Variants in DHRS7B observed in about 807,000 individuals in gnomAD.
DHRS7B encodes peroxisomal reductase activating PPAR-gamma.
A neutral mutation model predicts 26.4 loss-of-function variants in DHRS7B; 24 were observed. The ratio of observed to expected loss-of-function variants is 0.91; its 90% CI spans 0.66 to 1.28. The LOEUF is 1.28. Among genes scored for constraint, DHRS7B ranks in the 50% most tolerant of loss-of-function variants. DHRS7B has a pLI of 0.00. For synonymous variants in DHRS7B, 142 were observed against 166.4 expected, an observed-to-expected ratio of 0.85 and a Z score of 1.13; for missense variants, 368 against 419.4, an observed-to-expected ratio of 0.88 and a Z score of 1.07.
chr17:21,130,972 G>A (rs1973217680), intron 1 of DHRS7B, among the ~76,000 whole-genome samples: 2 of 152,098 alleles, frequency 1.3e-5, no homozygotes, highest in South Asian at 4.1e-4. Context: ...AATTCCTTAG[G>A]ATTTTACCTG....
intron 1 of DHRS7B, among the ~76,000 whole-genome samples, chr17:21,135,586 G>A (rs1298406188): frequency 2.0e-5 from 3 of 152,070 alleles, no homozygotes; most frequent in Admixed American, 6.5e-5. Context: ...CAAACAATAA[G>A]CCTTAATAAA....
intron 2 of DHRS7B, among the ~76,000 whole-genome samples, chr17:21,177,051 G>A (rs1473614414): frequency 1.3e-5 from 2 of 152,106 alleles, no homozygotes; most frequent in Non-Finnish European, 2.9e-5. Flanking sequence ...CAGTTCTCAT[G>A]GTTTACCCTG....
chr17:21,182,656 G>A (rs1197312784), intron 3 of DHRS7B, among the ~76,000 whole-genome samples: 2 of 152,044 alleles, frequency 1.3e-5, no homozygotes, highest in Non-Finnish European at 2.9e-5. Flanking sequence ...CCAAAGTGCT[G>A]GGGATTACAG....
chr17:21,131,539 C>T (rs954497608), intron 1 of DHRS7B, among the ~76,000 whole-genome samples: 4 of 152,198 alleles, frequency 2.6e-5, no homozygotes, highest in African/African-American at 9.6e-5. Context: ...GCTTCTTTAC[C>T]TCAGCCTGCT....
At chr17:21,159,627 C>T (rs895450793) in intron 1 of DHRS7B, among the ~76,000 whole-genome samples, 2 of 151,974 alleles carry the variant, frequency 1.3e-5, no homozygotes, top group Non-Finnish European at 2.9e-5. Flanking sequence ...AATCCCAGCA[C>T]TTTGGGAGGC....
intron 1 of DHRS7B, among the ~76,000 whole-genome samples, chr17:21,142,358 G>A (rs536637203): frequency 5.3e-5 from 8 of 152,306 alleles, no homozygotes; most frequent in African/African-American, 9.6e-5. Flanking sequence ...TTAACTACCA[G>A]GCTTAGGTCA....
chr17:21,159,763 AC>A (rs1973960395), intron 1 of DHRS7B, among the ~76,000 whole-genome samples: 1 of 149,636 alleles, frequency 6.7e-6, no homozygotes, highest in Admixed American at 6.8e-5. Context: ...AGTCCTAGCT[AC>A]TTGGGAAGCT....
chr17:21,171,376 G>A (rs923833651), intron 1 of DHRS7B, among the ~76,000 whole-genome samples: 5 of 152,248 alleles, frequency 3.3e-5, no homozygotes, highest in African/African-American at 1.2e-4. Flanking sequence ...ACATGCCACA[G>A]GCACAGCGGG....
At position 21,150,473 on chromosome 17, in the gene DHRS7B, C is replaced by T. The variant is rs144425487; in HGVS notation, c.21-21545C>T. 6.1e-3 allele frequency among the ~76,000 whole-genome samples: 928 copies of T among 152,172 alleles called. 11 individuals are homozygous for T. The highest frequency in any genetic ancestry group is 0.021 in the African/African-American group (889 of 41,524). ...CTCTACTACAAATACAAATATTATC[C>T]GGGCGTGGTGGTGCATGCCTGTAAT... On this transcript the variant is annotated intron_variant, in intron 1 of 6. Transcript: ENST00000395511.
chr17:21,165,962 T>G (rs1039786133), intron 1 of DHRS7B, among the ~76,000 whole-genome samples: 20 of 150,766 alleles, frequency 1.3e-4, no homozygotes, highest in Non-Finnish European at 2.7e-4. Flanking sequence ...ATTGTGTGTG[T>G]CCAAGTTCCT....
chr17:21,148,685 G>T (rs998924357), intron 1 of DHRS7B, among the ~76,000 whole-genome samples: 3 of 152,164 alleles, frequency 2.0e-5, no homozygotes, highest in Admixed American at 2.0e-4. Context: ...GGCGGAGGTT[G>T]CAGTGAGCCA....
chr17:21,175,064 G>C (rs1974343685), intron 2 of DHRS7B, among the ~76,000 whole-genome samples: 1 of 152,212 alleles, frequency 6.6e-6, no homozygotes, highest in Admixed American at 6.5e-5. Flanking sequence ...AGTGTGTCTA[G>C]ATTGAGTCTA....
intron 2 of DHRS7B, among the ~76,000 whole-genome samples, chr17:21,176,447 A>C (rs2144158858): frequency 6.6e-6 from 1 of 152,104 alleles, no homozygotes; most frequent in Non-Finnish European, 1.5e-5. Context: ...ACAAAAATAC[A>C]AAAATTAGCC....
At chr17:21,180,648 T>A (rs140688167) in intron 3 of DHRS7B, among the ~76,000 whole-genome samples, 36 of 151,844 alleles carry the variant, frequency 2.4e-4, no homozygotes, top group African/African-American at 8.2e-4. Context: ...TTTCTCCCCC[T>A]TAGAGGGACG....
At chr17:21,187,225 G>T (rs1234454867) in intron 5 of DHRS7B, among the ~76,000 whole-genome samples, 1 of 151,820 alleles carries the variant, frequency 6.6e-6, no homozygotes, top group Non-Finnish European at 1.5e-5. Context: ...GGAGGGTGAA[G>T]TGGGAGGATT....
chr17:21,152,582 A>G (rs1212859911), intron 1 of DHRS7B, among the ~76,000 whole-genome samples: 1 of 152,232 alleles, frequency 6.6e-6, no homozygotes, highest in Non-Finnish European at 1.5e-5. Context: ...CCAGCCCCTC[A>G]CAATGAATAT....
At chr17:21,183,212 C>A (rs1223865939) in intron 3 of DHRS7B, among the ~76,000 whole-genome samples, 1 of 151,912 alleles carries the variant, frequency 6.6e-6, no homozygotes, top group Admixed American at 6.6e-5. Context: ...TTTTTATAAT[C>A]TTTATAATTT....
At chr17:21,132,544 A>AC (rs1255848843) in intron 1 of DHRS7B, among the ~76,000 whole-genome samples, 15 of 147,402 alleles carry the variant, frequency 1.0e-4, no homozygotes, top group South Asian at 4.2e-4. Flanking sequence ...AAAAAAAAAA[A>AC]AAAAACAAAA....
intron 1 of DHRS7B, among the ~76,000 whole-genome samples, chr17:21,153,635 GA>G (rs1408101729): frequency 2.0e-5 from 3 of 152,134 alleles, no homozygotes; most frequent in Admixed American, 1.3e-4. Context: ...CTAGGAAGTA[GA>G]AGATCAAAGC....
Sources: allele counts gnomAD v4.1 joint callset (sites outside exome capture counted in the v4.1 genomes callset), GRCh38; gene constraint gnomAD v4.1.1; transcripts MANE v1.5; gene names NCBI Gene and HGNC (gene_info 2026-07-23, HGNC 2026-07-21).